Variants in PTPRD observed in about 807,000 individuals in gnomAD.
PTPRD encodes the protein protein tyrosine phosphatase receptor type D.
In PTPRD, 34 loss-of-function variants were observed where a neutral mutation model predicts 214.5. The ratio of observed to expected loss-of-function variants is 0.16; its 90% CI spans 0.12 to 0.21. The LOEUF (loss-of-function observed/expected upper bound fraction) is 0.21, where lower values mean the gene tolerates loss of function less well. PTPRD is among the 10% of genes least tolerant of loss of function. The probability of loss-of-function intolerance (pLI) is 1.00; values close to 1 mark genes in which losing one functional copy is unlikely to be tolerated. For missense variants in PTPRD, 2,545 were observed against 2,398.7 expected (o/e 1.06, Z -1.27); for synonymous variants, 1,128 against 845.7 (o/e 1.33, Z -5.79).
intron 5 of PTPRD, among the ~76,000 whole-genome samples, chr9:9,904,460 T>C (rs939250905): frequency 6.6e-6 from 1 of 152,130 alleles, no homozygotes; most frequent in Non-Finnish European, 1.5e-5. Context: ...TATTCACTTT[T>C]TGTTATTCTG....
At chr9:9,903,967 C>T (rs928730742) in intron 5 of PTPRD, among the ~76,000 whole-genome samples, 13 of 152,120 alleles carry the variant, frequency 8.5e-5, no homozygotes, top group African/African-American at 3.1e-4. Flanking sequence ...ACATTAACCT[C>T]TATCTTGGGT....
chr9:10,581,466 T>C (rs903655651), intron 2 of PTPRD, among the ~76,000 whole-genome samples: 8 of 152,188 alleles, frequency 5.3e-5, no homozygotes, highest in Admixed American at 3.3e-4. Flanking sequence ...AATGTCATGG[T>C]AGGGGCAGTT....
At position 8,712,293 on chromosome 9, in the gene PTPRD, T is replaced by C. The variant is rs920975003; in HGVS notation, c.64+21487A>G. ...ACAGCCTGTATCAACAGTATTTTCT[T>C]GTTCTGAATGAAAAAGAAGTCATTA... is the stretch of plus-strand genomic sequence containing the variant. On this transcript the variant is annotated intron_variant, in intron 12 of 45. Transcript: ENST00000381196. Among the ~76,000 whole-genome samples, 3 of 152,222 alleles carry C rather than the reference T, an allele frequency of 2.0e-5. No individual in the cohort carries two copies. In the East Asian group the frequency reaches 5.8e-4, roughly 29 times the overall value.
chr9:10,182,259 C>CAAAAAAAAAAAAA (rs3075574), intron 3 of PTPRD, among the ~76,000 whole-genome samples: 34 of 54,328 alleles, frequency 6.3e-4, no homozygotes, highest in African/African-American at 1.4e-3. Flanking sequence ...GACTCTGCCT[C>CAAAAAAAAAAAAA]AAAAAAAAAA....
intron 11 of PTPRD, among the ~76,000 whole-genome samples, chr9:8,922,552 C>T (rs1310117148): frequency 1.3e-5 from 2 of 152,162 alleles, no homozygotes; most frequent in African/African-American, 2.4e-5. Flanking sequence ...CATCCAACTG[C>T]GTAGGAACTG....
intron 2 of PTPRD, among the ~76,000 whole-genome samples, chr9:10,456,487 G>C (rs1023683062): frequency 1.3e-5 from 2 of 151,902 alleles, no homozygotes; most frequent in Non-Finnish European, 2.9e-5. Context: ...TAAATCCAGA[G>C]ATTAGGACTA....
At chr9:10,458,068 TC>T (rs1162804368) in intron 2 of PTPRD, among the ~76,000 whole-genome samples, 4 of 151,970 alleles carry the variant, frequency 2.6e-5, no homozygotes, top group Non-Finnish European at 5.9e-5. Flanking sequence ...ATTAAAAATC[TC>T]CCAGGAAAGA....
chr9:10,524,011 T>G (rs1489927102), intron 2 of PTPRD, among the ~76,000 whole-genome samples: 1 of 152,006 alleles, frequency 6.6e-6, no homozygotes, highest in East Asian at 1.9e-4. Flanking sequence ...ACATGGTCAG[T>G]TTAAGCTAAG....
intron 3 of PTPRD, among the ~76,000 whole-genome samples, chr9:10,216,676 C>G (rs1431926391): frequency 6.6e-6 from 1 of 151,964 alleles, no homozygotes; most frequent in Non-Finnish European, 1.5e-5. Flanking sequence ...ACCTAACTTA[C>G]CTCTGTTCAC....
At chr9:9,598,577 A>G (rs1197214604) in intron 7 of PTPRD, among the ~76,000 whole-genome samples, 1 of 152,094 alleles carries the variant, frequency 6.6e-6, no homozygotes, top group Non-Finnish European at 1.5e-5. Context: ...TAGACCTACT[A>G]TAGACCTTTT....
chr9:9,975,510 A>G (rs1199693532), intron 4 of PTPRD, among the ~76,000 whole-genome samples: 1 of 152,228 alleles, frequency 6.6e-6, no homozygotes, highest in Non-Finnish European at 1.5e-5. Flanking sequence ...TAGCAGCACT[A>G]CATCACCTGG....
At chr9:8,741,026 T>G (rs2091782042) in intron 11 of PTPRD, among the ~76,000 whole-genome samples, 1 of 152,236 alleles carries the variant, frequency 6.6e-6, no homozygotes, top group Non-Finnish European at 1.5e-5. Flanking sequence ...TTCTATAGTT[T>G]ATGATTCACT....
intron 7 of PTPRD, among the ~76,000 whole-genome samples, chr9:9,586,895 ATTCTTC>A (rs1348263963): frequency 2.0e-5 from 3 of 152,034 alleles, no homozygotes; most frequent in Non-Finnish European, 4.4e-5. Flanking sequence ...TAATGATCTT[ATTCTTC>A]TTCATCAATT....
chr9:9,842,761 G>C (rs537373474), intron 5 of PTPRD, among the ~76,000 whole-genome samples: 10 of 151,484 alleles, frequency 6.6e-5, no homozygotes, highest in African/African-American at 2.4e-4. Context: ...TACACCAGGT[G>C]GTGGCCCACA....
intron 35 of PTPRD, among the ~76,000 whole-genome samples, chr9:8,414,678 T>C (rs892059335): frequency 6.6e-6 from 1 of 151,894 alleles, no homozygotes; most frequent in South Asian, 2.1e-4. Context: ...CCCAGCGTAG[T>C]TATTAATAGG....
At position 8,650,896 on chromosome 9, in the gene PTPRD, T is replaced by C. The variant is rs116314681; in HGVS notation, c.65-14052A>G. Among the ~76,000 whole-genome samples the C allele has an allele frequency of 5.3e-3, 810 of 152,180 alleles. 15 individuals carry two copies. Among genetic ancestry groups the C allele is most frequent in the African/African-American group, 0.019 (780 of 41,524 alleles). On this transcript the variant is annotated intron_variant, in intron 12 of 45. Transcript: ENST00000381196. ...GCATTCTTTTTTTTTTTTTAATTCA[T>C]TTCTCTGCAGACCCAAAGCTCTAAG...
At chr9:10,372,816 G>A (rs2097653098) in intron 2 of PTPRD, among the ~76,000 whole-genome samples, 1 of 141,632 alleles carries the variant, frequency 7.1e-6, no homozygotes, top group South Asian at 2.3e-4. Context: ...CCAAAAGTAT[G>A]CAAAATATTT....
At chr9:9,266,253 T>A (rs747214477) in intron 9 of PTPRD, among the ~76,000 whole-genome samples, 34 of 151,386 alleles carry the variant, frequency 2.2e-4, no homozygotes, top group Non-Finnish European at 3.7e-4. Flanking sequence ...TACCTACATA[T>A]ATAAAGCAAA....
At chr9:8,785,504 A>G (rs961799794) in intron 11 of PTPRD, among the ~76,000 whole-genome samples, 7 of 152,224 alleles carry the variant, frequency 4.6e-5, no homozygotes, top group Non-Finnish European at 7.3e-5. Flanking sequence ...TTGCAGTAAA[A>G]GAAACTAATG....
Sources: gnomAD v4.1 joint callset for allele counts (sites outside exome capture counted in the v4.1 genomes callset) on GRCh38, gnomAD v4.1.1 for gene constraint, MANE v1.5 for transcripts, NCBI Gene and HGNC (gene_info 2026-07-23, HGNC 2026-07-21) for gene names.